Variants in BCKDHB observed in about 807,000 individuals in gnomAD.
The protein encoded by BCKDHB is 2-oxoisovalerate dehydrogenase subunit beta, mitochondrial.
Under a neutral mutation model 48.5 loss-of-function variants are expected in BCKDHB, and 41 were observed. The ratio of observed to expected loss-of-function variants is 0.85; its 90% confidence interval spans 0.66 to 1.10. BCKDHB has a LOEUF of 1.10. BCKDHB is among the 50% of genes least tolerant of loss of function. The pLI, the probability that BCKDHB is intolerant of heterozygous loss-of-function variation, is 0.00. For synonymous variants in BCKDHB, 201 were observed against 174.8 expected, an observed-to-expected ratio of 1.15 and a Z score of -1.18; for missense variants, 496 against 494.2, an observed-to-expected ratio of 1.00 and a Z score of -0.03.
At chr6:80,387,043 G>T in the BCKDHB span, among the ~76,000 whole-genome samples, 1 of 152,170 alleles carries the variant, frequency 6.6e-6, no homozygotes, top group African/African-American at 2.4e-5. Context: ...AAAGGGAAAT[G>T]ATTAGACATT....
the BCKDHB span, among the ~76,000 whole-genome samples, chr6:80,359,397 C>G: frequency 6.6e-6 from 1 of 152,192 alleles, no homozygotes; most frequent in Admixed American, 6.5e-5. Flanking sequence ...CCTGCACCAC[C>G]CTTCCCGTGG....
At chr6:80,333,697 G>T (rs1199450073) in intron 9 of BCKDHB, among the ~76,000 whole-genome samples, 1 of 152,130 alleles carries the variant, frequency 6.6e-6, no homozygotes, top group African/African-American at 2.4e-5. Flanking sequence ...TTAGCCCCAA[G>T]TAAGTAGATA....
rs549144103 is a variant in BCKDHB, at chr6:80,143,059, A to G, written c.343+13830A>G. On this transcript the variant is annotated intron_variant, in intron 3 of 9. Coordinates refer to ENST00000320393, the MANE Select transcript of BCKDHB (RefSeq NM_183050.4). ...GGGCTGAAAAAGGATCAGTATAACAATTTTATGGAGCAGTTCAGATTGGTC... is the reference window on the plus strand; with the variant it reads ...GGGCTGAAAAAGGATCAGTATAACAGTTTTATGGAGCAGTTCAGATTGGTC... Among the ~76,000 whole-genome samples, 4 of 152,244 alleles carry G rather than the reference A, an allele frequency of 2.6e-5. No homozygotes were observed. In the East Asian group the frequency reaches 7.7e-4, roughly 29 times the overall value.
chr6:80,398,953 A>G, the BCKDHB span, among the ~76,000 whole-genome samples: 4 of 152,130 alleles, frequency 2.6e-5, no homozygotes, highest in Non-Finnish European at 5.9e-5. Context: ...ACATCCACAA[A>G]TCAATAAATC....
At chr6:80,434,768 C>T in the BCKDHB span, among the ~76,000 whole-genome samples, 2 of 152,132 alleles carry the variant, frequency 1.3e-5, no homozygotes, top group Non-Finnish European at 2.9e-5. Flanking sequence ...ATTATGAAAT[C>T]TCTCTACTCT....
chr6:80,371,737 G>A, the BCKDHB span, among the ~76,000 whole-genome samples: 1 of 151,956 alleles, frequency 6.6e-6, no homozygotes, highest in Admixed American at 6.6e-5. Context: ...TGTTAAACAG[G>A]GTATCTTTTC....
chr6:80,156,565 T>C (rs772248386), intron 3 of BCKDHB, among the ~76,000 whole-genome samples: 1 of 152,164 alleles, frequency 6.6e-6, no homozygotes, highest in African/African-American at 2.4e-5. Context: ...GGCACACATA[T>C]AATGCAGAAT....
intron 3 of BCKDHB, among the ~76,000 whole-genome samples, chr6:80,152,007 T>C (rs1281793606): frequency 6.6e-6 from 1 of 152,096 alleles, no homozygotes; most frequent in African/African-American, 2.4e-5. Flanking sequence ...TGAAGGAAGA[T>C]TAAAAAGAAA....
chr6:80,128,948 A>G (rs908420070), intron 2 of BCKDHB, among the ~76,000 whole-genome samples: 5 of 151,728 alleles, frequency 3.3e-5, no homozygotes, highest in East Asian at 1.9e-4. Flanking sequence ...GGTTGCTGCT[A>G]TGTATCTACA....
intron 1 of BCKDHB, among the ~76,000 whole-genome samples, chr6:80,107,099 C>T (rs899807523): frequency 5.3e-5 from 8 of 151,720 alleles, no homozygotes; most frequent in Non-Finnish European, 8.8e-5. Flanking sequence ...ACGCAGTCCC[C>T]CCTCCCCCGC....
chr6:80,223,736 A>G (rs563732378), intron 8 of BCKDHB, among the ~76,000 whole-genome samples: 31 of 152,224 alleles, frequency 2.0e-4, no homozygotes, highest in Non-Finnish European at 2.9e-4. Context: ...ATGTAGTAAC[A>G]GTACTGCAAA....
chr6:80,170,760 T>C (rs1772873028), intron 5 of BCKDHB, among the ~76,000 whole-genome samples: 1 of 152,176 alleles, frequency 6.6e-6, no homozygotes, highest in Non-Finnish European at 1.5e-5. Flanking sequence ...TGCTTTGCTA[T>C]ATAACTGGAC....
At chr6:80,453,648 A>T in the BCKDHB span, among the ~76,000 whole-genome samples, 1 of 152,094 alleles carries the variant, frequency 6.6e-6, no homozygotes, top group Admixed American at 6.6e-5. Context: ...GCCCTGAGGA[A>T]ATGAGACACT....
In BCKDHB at chr6:80,186,182, G is replaced by A. The variant is rs145738177; in HGVS notation, c.743-14752G>A. ...AGTTCTCAAGGGTTTATGTATTTTGGCTCAGGCTACCAGGGTGGGTAGTGA... is the reference window on the plus strand; with the variant it reads ...AGTTCTCAAGGGTTTATGTATTTTGACTCAGGCTACCAGGGTGGGTAGTGA... On this transcript the variant is annotated intron_variant, in intron 6 of 9. Coordinates refer to ENST00000320393, the MANE Select transcript of BCKDHB (RefSeq NM_183050.4). Among the ~76,000 whole-genome samples the A allele has an allele frequency of 1.6e-3, 244 of 152,222 alleles. 1 individual carries two copies. Among genetic ancestry groups the A allele is most frequent in the African/African-American group, 5.7e-3 (235 of 41,546 alleles).
At chr6:80,228,797 A>G (rs610946) in intron 8 of BCKDHB, among the ~76,000 whole-genome samples, 132,360 of 152,120 alleles carry the variant, frequency 0.87, 57,853 homozygotes, top group East Asian at 0.99. Context: ...CCAACTTGTC[A>G]CCAGCCTGGG....
chr6:80,315,499 G>A (rs1317400169), intron 9 of BCKDHB, among the ~76,000 whole-genome samples: 1 of 152,066 alleles, frequency 6.6e-6, no homozygotes, highest in Admixed American at 6.5e-5. Flanking sequence ...GGATATTTCA[G>A]TAGAAGGTGC....
chr6:80,451,695 C>T, the BCKDHB span, among the ~76,000 whole-genome samples: 1 of 151,308 alleles, frequency 6.6e-6, no homozygotes, highest in Non-Finnish European at 1.5e-5. Flanking sequence ...CACCACTATA[C>T]TCCAGCCTGG....
At chr6:80,412,327 A>T in the BCKDHB span, among the ~76,000 whole-genome samples, 3 of 151,696 alleles carry the variant, frequency 2.0e-5, no homozygotes, top group East Asian at 3.9e-4. Context: ...TATTTTTTTT[A>T]GTAGAGATGG....
chr6:80,326,118 G>A (rs1769020589), intron 9 of BCKDHB, among the ~76,000 whole-genome samples: 1 of 152,054 alleles, frequency 6.6e-6, no homozygotes, highest in South Asian at 2.1e-4. Context: ...TAACAATGGT[G>A]GAAACCGGTT....
Sources: allele counts gnomAD v4.1 joint callset (sites outside exome capture counted in the v4.1 genomes callset), GRCh38; gene constraint gnomAD v4.1.1; transcripts MANE v1.5; gene names NCBI Gene and HGNC (gene_info 2026-07-23, HGNC 2026-07-21).